The following HTR1F variants were observed in gnomAD, a reference collection of about 807,000 sequenced individuals.
HTR1F encodes the protein 5-hydroxytryptamine (serotonin) receptor 1F, G protein-coupled.
HTR1F carries 17 observed loss-of-function variants against 24.0 expected under a neutral mutation model. The ratio of observed to expected loss-of-function variants is 0.71; its 90% CI spans 0.48 to 1.06. HTR1F has a LOEUF of 1.06. HTR1F is among the 50% of genes least tolerant of loss of function. HTR1F has a pLI of 0.00. For missense variants in HTR1F, 391 were observed against 427.8 expected, an observed-to-expected ratio of 0.91 and a Z score of 0.76; for synonymous variants, 186 against 156.8, an observed-to-expected ratio of 1.19 and a Z score of -1.39.
intron 2 of HTR1F, among the ~76,000 whole-genome samples, chr3:87,901,567 G>A (rs2915283): frequency 0.089 from 13,561 of 151,928 alleles, 1,903 homozygotes; most frequent in African/African-American, 0.3. Context: ...GCTTACTTCC[G>A]GCTTCAAATT....
intron 2 of HTR1F, among the ~76,000 whole-genome samples, chr3:87,944,700 T>C (rs1041849222): frequency 6.6e-6 from 1 of 152,264 alleles, no homozygotes; most frequent in Non-Finnish European, 1.5e-5. Context: ...TGTGCTTTTT[T>C]TGACTTAGAA....
At chr3:87,935,396 G>C (rs1704387508) in intron 2 of HTR1F, among the ~76,000 whole-genome samples, 1 of 152,054 alleles carries the variant, frequency 6.6e-6, no homozygotes, top group South Asian at 2.1e-4. Flanking sequence ...TCTCAAAGGA[G>C]AGCAGGCAAC....
intron 2 of HTR1F, among the ~76,000 whole-genome samples, chr3:87,985,573 A>ATG (rs1705645788): frequency 1.3e-5 from 2 of 152,258 alleles, no homozygotes; most frequent in Admixed American, 1.3e-4. Context: ...TATGAGGATT[A>ATG]AGCATGTTAA....
At chr3:87,946,806 T>C (rs1386075380) in intron 2 of HTR1F, among the ~76,000 whole-genome samples, 21 of 151,916 alleles carry the variant, frequency 1.4e-4, no homozygotes, top group Non-Finnish European at 2.5e-4. Context: ...TTTGTGTTTT[T>C]AGTAGAGTCG....
intron 2 of HTR1F, among the ~76,000 whole-genome samples, chr3:87,940,108 AATTTTGTT>A (rs1272542431): frequency 2.0e-5 from 3 of 152,038 alleles, no homozygotes; most frequent in Non-Finnish European, 4.4e-5. Flanking sequence ...TTTCTGCCTT[AATTTTGTT>A]ATTTACCCAG....
intron 2 of HTR1F, among the ~76,000 whole-genome samples, chr3:87,838,684 T>C (rs1704733600): frequency 6.6e-6 from 1 of 152,104 alleles, no homozygotes; most frequent in African/African-American, 2.4e-5. Context: ...CCGATTGAAC[T>C]GTGCACATGC....
intron 2 of HTR1F, among the ~76,000 whole-genome samples, chr3:87,848,774 C>T (rs142589330): frequency 0.078 from 11,820 of 151,098 alleles, 1,652 homozygotes; most frequent in African/African-American, 0.27. Flanking sequence ...GGATACAAAA[C>T]CAATGTGCAA....
At chr3:87,865,554 T>TACAC (rs1404062599) in intron 2 of HTR1F, among the ~76,000 whole-genome samples, 1 of 152,122 alleles carries the variant, frequency 6.6e-6, no homozygotes, top group Non-Finnish European at 1.5e-5. Flanking sequence ...TAGAACTATA[T>TACAC]ATAAATACAC....
intron 1 of HTR1F, among the ~76,000 whole-genome samples, chr3:87,798,604 A>C (rs55754932): frequency 0.3 from 44,992 of 151,074 alleles, 6,830 homozygotes; most frequent in East Asian, 0.42. Context: ...AAAAAAAAAA[A>C]CCTAATTTTT....
intron 2 of HTR1F, among the ~76,000 whole-genome samples, chr3:87,963,690 T>A (rs1354991355): frequency 6.6e-6 from 1 of 152,160 alleles, no homozygotes; most frequent in Non-Finnish European, 1.5e-5. Flanking sequence ...GCTCTGAGTT[T>A]ATGATCCCTC....
At chr3:87,845,115 C>A (rs1267072450) in intron 2 of HTR1F, among the ~76,000 whole-genome samples, 1 of 151,736 alleles carries the variant, frequency 6.6e-6, no homozygotes, top group Non-Finnish European at 1.5e-5. Context: ...GAGAAACCCA[C>A]AGCCAATATC....
chr3:87,885,391 G>A (rs575795009), intron 2 of HTR1F, among the ~76,000 whole-genome samples: 49 of 152,224 alleles, frequency 3.2e-4, no homozygotes, highest in Non-Finnish European at 6.0e-4. Context: ...GAGAAAGCAG[G>A]AAAGATCTAA....
chr3:87,817,539 A>G (rs1345857785), intron 1 of HTR1F, among the ~76,000 whole-genome samples: 5 of 152,188 alleles, frequency 3.3e-5, no homozygotes, highest in Non-Finnish European at 5.9e-5. Flanking sequence ...GCAAAACACT[A>G]AAACAGTCGG....
At chr3:87,878,445 T>C (rs1158186029) in intron 2 of HTR1F, among the ~76,000 whole-genome samples, 1 of 152,138 alleles carries the variant, frequency 6.6e-6, no homozygotes, top group Non-Finnish European at 1.5e-5. Context: ...AGGACAGAGA[T>C]AGAATAAAAG....
chr3:87,920,697 G>GT (rs2107375294), intron 2 of HTR1F, among the ~76,000 whole-genome samples: 1 of 151,982 alleles, frequency 6.6e-6, no homozygotes, highest in Non-Finnish European at 1.5e-5. Flanking sequence ...CACAACAAGA[G>GT]TAAGAACACA....
intron 1 of HTR1F, among the ~76,000 whole-genome samples, chr3:87,820,805 T>C (rs1274338922): frequency 1.3e-5 from 2 of 152,136 alleles, no homozygotes; most frequent in Non-Finnish European, 2.9e-5. Flanking sequence ...GATTTACAGA[T>C]TCATGTAACA....
intron 1 of HTR1F, among the ~76,000 whole-genome samples, chr3:87,813,557 A>G (rs557956751): frequency 6.6e-6 from 1 of 152,310 alleles, no homozygotes; most frequent in Admixed American, 6.5e-5. Context: ...TTGGGAAGGC[A>G]TGATTGGTTT....
chr3:87,964,992 T>C (rs1705134056), intron 2 of HTR1F, among the ~76,000 whole-genome samples: 1 of 152,172 alleles, frequency 6.6e-6, no homozygotes, highest in Non-Finnish European at 1.5e-5. Flanking sequence ...CCTGCTCCCA[T>C]GTAAGATGTG....
At chr3:87,954,089 C>T (rs1704892866) in intron 2 of HTR1F, among the ~76,000 whole-genome samples, 2 of 151,512 alleles carry the variant, frequency 1.3e-5, no homozygotes, top group South Asian at 4.2e-4. Context: ...TTAATAGATA[C>T]AAATGAATAG....
Sources: gnomAD v4.1 joint callset for allele counts (sites outside exome capture counted in the v4.1 genomes callset) on GRCh38, gnomAD v4.1.1 for gene constraint, MANE v1.5 for transcripts, NCBI Gene and HGNC (gene_info 2026-07-23, HGNC 2026-07-21) for gene names.